WDR37: variants seen among roughly 807,000 people sequenced by gnomAD.
WDR37 encodes the protein WD repeat-containing protein 37.
Under a neutral mutation model 62.9 loss-of-function variants are expected in WDR37, and 19 were observed. The observed-to-expected ratio is 0.30, with a 90% CI of 0.21 to 0.44. WDR37 has a LOEUF of 0.44. Ranked by LOEUF, WDR37 falls within the 20% of genes least tolerant of loss-of-function variation. The pLI is 1.00. For missense variants in WDR37, 474 were observed against 657.6 expected (o/e 0.72, Z 3.05); for synonymous variants, 250 against 260.9 (o/e 0.96, Z 0.40).
intron 6 of WDR37, among the ~76,000 whole-genome samples, chr10:1,085,784 T>C (rs751044747): frequency 3.3e-5 from 5 of 152,238 alleles, no homozygotes; most frequent in Non-Finnish European, 7.3e-5. Context: ...ATTTCCGAAA[T>C]TTCATTTGGC....
chr10:1,126,661 G>A (rs867518839), intron 13 of WDR37, among the ~76,000 whole-genome samples: 3 of 152,190 alleles, frequency 2.0e-5, no homozygotes, highest in Non-Finnish European at 2.9e-5. Context: ...CTCATGGCTC[G>A]TGGGCCGCAG....
chr10:1,084,900 G>A (rs1211412514), intron 6 of WDR37, among the ~76,000 whole-genome samples: 1 of 152,250 alleles, frequency 6.6e-6, no homozygotes, highest in African/African-American at 2.4e-5. Context: ...TCTGAGGAAA[G>A]AAATACTTGT....
At chr10:1,126,879 T>C (rs1835805498) in intron 13 of WDR37, among the ~76,000 whole-genome samples, 1 of 152,366 alleles carries the variant, frequency 6.6e-6, no homozygotes, top group East Asian at 1.9e-4. Flanking sequence ...TTATTGAGTT[T>C]TTACTCCTCG....
At chr10:1,099,347 C>T (rs1193179590) in intron 9 of WDR37, among the ~76,000 whole-genome samples, 2 of 152,218 alleles carry the variant, frequency 1.3e-5, no homozygotes, top group Admixed American at 6.5e-5. Context: ...ATGACGTCCA[C>T]GTCTAGAAGT....
chr10:1,060,477 G>A (rs1023511377), intron 1 of WDR37, among the ~76,000 whole-genome samples: 2 of 152,172 alleles, frequency 1.3e-5, no homozygotes, highest in African/African-American at 4.8e-5. Flanking sequence ...AAAACCAGAA[G>A]GACATTTAAT....
chr10:1,108,011 G>T (rs893456678), intron 11 of WDR37, among the ~76,000 whole-genome samples: 4 of 152,242 alleles, frequency 2.6e-5, no homozygotes, highest in Non-Finnish European at 5.9e-5. Context: ...CTGTAGATGT[G>T]TACACACCTC....
intron 2 of WDR37, among the ~76,000 whole-genome samples, chr10:1,077,000 GAAA>G (rs79171648): frequency 1.0e-3 from 97 of 92,844 alleles, no homozygotes; most frequent in African/African-American, 4.0e-3. Context: ...ACTCTGTCTC[GAAA>G]AAAAAAAAAA....
At chr10:1,093,197 T>TA (rs1412727309) in intron 7 of WDR37, among the ~76,000 whole-genome samples, 1 of 152,242 alleles carries the variant, frequency 6.6e-6, no homozygotes, top group African/African-American at 2.4e-5. Flanking sequence ...TCTTTGTCTA[T>TA]AAAAAGAACT....
chr10:1,103,486 C>G lies in WDR37; in HGVS notation c.727-116C>G. The G allele has an allele frequency of 1.8e-6, 2 of 1,120,282 alleles. No individual in the cohort carries two copies. The highest frequency in any genetic ancestry group is 2.6e-6 in the Non-Finnish European group (2 of 783,584). 69.4% of individuals were successfully genotyped at this position (1,120,282 alleles called of 1,614,324 possible). A position where few individuals can be genotyped will look rare whatever the true frequency, so the allele number is the denominator to read the frequency against. On this transcript the variant is annotated intron_variant, in intron 9 of 13. Coordinates refer to ENST00000263150, the MANE Select transcript of WDR37 (RefSeq NM_014023.4). The surrounding 1 kb of genome is among the most constrained non-coding windows in gnomAD (Gnocchi z 6.3). ...GCACCAGGCTCCTAGTGGTGACCAT[C>G]ATGATGGATATGTCCTCAAGAGATT...
At chr10:1,069,267 C>G (rs534593849) in intron 1 of WDR37, among the ~76,000 whole-genome samples, 3 of 150,586 alleles carry the variant, frequency 2.0e-5, no homozygotes, top group African/African-American at 7.3e-5. Flanking sequence ...CAGCCTTATT[C>G]TTGGGCTGTT....
chr10:1,080,314 G>A (rs1833991493), intron 4 of WDR37, 98 bp from the exon 5 acceptor site: 5 of 1,508,076 alleles, frequency 3.3e-6, no homozygotes, highest in Non-Finnish European at 4.5e-6. Context: ...AGCCTTTCTG[G>A]GCCCCCTTTC....
chr10:1,058,628 T>A (rs1163867066), intron 1 of WDR37, among the ~76,000 whole-genome samples: 1 of 152,254 alleles, frequency 6.6e-6, no homozygotes, highest in Non-Finnish European at 1.5e-5. Flanking sequence ...TAATTGATTG[T>A]CATCCACAGA....
Position 1,086,217 on chromosome 10 carries a change from T to G in WDR37, c.533-69T>G, listed in dbSNP as rs558521731. On this transcript the variant is annotated intron_variant, in intron 6 of 13. Transcript: ENST00000263150. ...TTTCCCATTTTTAGAGTATTTGTCT[T>G]ATTCTTTCATTTGAAAAACTATAAA... 6.5e-5 allele frequency: 86 copies of G among 1,321,602 alleles called. 1 individual carries two copies. The Admixed American group carries it at 1.5e-3, about 23-fold the overall frequency. 81.9% of individuals were successfully genotyped at this position (1,321,602 alleles called of 1,614,324 possible). A position where few individuals can be genotyped will look rare whatever the true frequency, so the allele number is the denominator to read the frequency against.
In WDR37 at chr10:1,065,588, A is replaced by T. The variant is rs568904794; in HGVS notation, c.-40-6528A>T. Among the ~76,000 whole-genome samples, 51 of 145,142 alleles carry T rather than the reference A, an allele frequency of 3.5e-4. 1 individual carries two copies. The East Asian group carries it at 8.7e-3, about 25-fold the overall frequency. ...AGTGTAATTGGTCCTGTCAGTAGGT[A>T]AAAAAAAAAAGCTACTAGGAAAAAA... On this transcript the variant is annotated intron_variant, in intron 1 of 13. Transcript: ENST00000263150.
At chr10:1,092,148 C>G (rs887407808) in intron 7 of WDR37, among the ~76,000 whole-genome samples, 2 of 142,180 alleles carry the variant, frequency 1.4e-5, no homozygotes, top group African/African-American at 5.3e-5. Context: ...CCACTGCACT[C>G]CAACCTGGGA....
At chr10:1,113,950 C>CTTTTTTT (rs56654628) in intron 11 of WDR37, among the ~76,000 whole-genome samples, 5,773 of 76,124 alleles carry the variant, frequency 0.076, 850 homozygotes, top group Middle Eastern at 0.13. Context: ...GGTAAAATGC[C>CTTTTTTT]TTTTTTTTTT....
At chr10:1,125,221 G>GTT (rs962100671) in intron 13 of WDR37, 197 bp downstream of exon 13, 320 of 483,120 alleles carry the variant, frequency 6.6e-4, no homozygotes, top group Middle Eastern at 2.0e-3. Context: ...CTACTTCAGT[G>GTT]TTTTTTTTTT....
chr10:1,117,808 G>A lies in WDR37; in HGVS notation c.1104-6410G>A, dbSNP rs375306293. Among the ~76,000 whole-genome samples, 6 of 152,336 alleles carry A rather than the reference G, an allele frequency of 3.9e-5. No individual in the cohort carries two copies. In the South Asian group the frequency reaches 6.2e-4, roughly 16 times the overall value. ...CATGGCCACTGCAGAGCCAGGGCCC[G>A]GGTGGCATGTGAGGGTCGCCTGGCA... On this transcript the variant is annotated intron_variant, in intron 11 of 13. Coordinates refer to ENST00000263150, the MANE Select transcript of WDR37 (RefSeq NM_014023.4).
intron 8 of WDR37, among the ~76,000 whole-genome samples, chr10:1,095,582 C>T (rs757585300): frequency 2.6e-5 from 4 of 152,138 alleles, no homozygotes; most frequent in Non-Finnish European, 5.9e-5. Flanking sequence ...CCAGCCTGCC[C>T]GTGTGTGGGT....
Sources: gnomAD v4.1 joint callset for allele counts (sites outside exome capture counted in the v4.1 genomes callset) on GRCh38, gnomAD v4.1.1 for gene constraint, Gnocchi (gnomAD v3.1) non-coding constraint, MANE v1.5 for transcripts, NCBI Gene and HGNC (gene_info 2026-07-23, HGNC 2026-07-21) for gene names.